Variants in PDE4D observed in about 807,000 individuals in gnomAD.
PDE4D encodes the protein phosphodiesterase 4D, also known as 3',5'-cyclic-AMP phosphodiesterase 4D.
PDE4D carries 24 observed loss-of-function variants against 87.4 expected under a neutral mutation model. The observed-to-expected ratio is 0.27, with a 90% CI of 0.20 to 0.39. PDE4D has a LOEUF of 0.39. Among genes scored for constraint, PDE4D ranks in the 10% least tolerant of loss-of-function variants. The pLI is 1.00. For synonymous variants in PDE4D, 384 were observed against 383.2 expected (o/e 1.00, Z -0.02); for missense variants, 714 against 1,041.0 (o/e 0.69, Z 4.32).
intron 2 of PDE4D, among the ~76,000 whole-genome samples, chr5:60,166,599 T>C (rs1782923048): frequency 6.6e-6 from 1 of 152,228 alleles, no homozygotes; most frequent in African/African-American, 2.4e-5. Flanking sequence ...TATTAGAGTA[T>C]TCTAAATTTG....
At chr5:59,828,495 G>A (rs1275044888) in intron 1 of PDE4D, among the ~76,000 whole-genome samples, 2 of 151,916 alleles carry the variant, frequency 1.3e-5, no homozygotes, top group Non-Finnish European at 2.9e-5. Flanking sequence ...TTATTTTCAG[G>A]AGGTATCTAT....
chr5:59,779,161 C>T (rs1299550522), intron 1 of PDE4D, among the ~76,000 whole-genome samples: 8 of 147,886 alleles, frequency 5.4e-5, no homozygotes, highest in South Asian at 2.1e-4. Flanking sequence ...GACTCTGTCT[C>T]GGAAAAAAAA....
intron 3 of PDE4D, among the ~76,000 whole-genome samples, chr5:59,921,876 A>G (rs1328230304): frequency 6.6e-6 from 1 of 152,206 alleles, no homozygotes; most frequent in Admixed American, 6.5e-5. Context: ...GGTACCATCT[A>G]AGAACCAAAA....
chr5:59,486,232 C>T (rs942236941), intron 1 of PDE4D, among the ~76,000 whole-genome samples: 1 of 152,080 alleles, frequency 6.6e-6, no homozygotes, highest in African/African-American at 2.4e-5. Context: ...AGAATGTCAT[C>T]TAGGAAACCA....
At chr5:59,177,818 C>T (rs1220424453) in intron 5 of PDE4D, among the ~76,000 whole-genome samples, 3 of 152,118 alleles carry the variant, frequency 2.0e-5, no homozygotes, top group East Asian at 1.9e-4. Flanking sequence ...CATACATTTG[C>T]GAACCTGTAC....
intron 1 of PDE4D, among the ~76,000 whole-genome samples, chr5:60,366,523 A>G (rs1760559176): frequency 6.6e-6 from 1 of 152,222 alleles, no homozygotes; most frequent in Admixed American, 6.5e-5. Context: ...CCAGATAACA[A>G]TGTGCATGAA....
chr5:59,606,139 A>C (rs756202617), intron 1 of PDE4D, among the ~76,000 whole-genome samples: 1 of 152,076 alleles, frequency 6.6e-6, no homozygotes, highest in Non-Finnish European at 1.5e-5. Context: ...TGTGCTAGGA[A>C]AACACCCTTT....
At chr5:60,079,142 A>G (rs1164816058) in intron 2 of PDE4D, among the ~76,000 whole-genome samples, 1 of 152,104 alleles carries the variant, frequency 6.6e-6, no homozygotes, top group East Asian at 1.9e-4. Context: ...GATCCATGAC[A>G]TTGAGCTTTT....
At chr5:60,200,059 C>T (rs1303097852) in intron 1 of PDE4D, among the ~76,000 whole-genome samples, 1 of 151,604 alleles carries the variant, frequency 6.6e-6, no homozygotes, top group East Asian at 1.9e-4. Context: ...GAACCAAAGT[C>T]CACTTCACTC....
chr5:60,238,496 C>T (rs1746684650), intron 1 of PDE4D, among the ~76,000 whole-genome samples: 1 of 151,950 alleles, frequency 6.6e-6, no homozygotes, highest in Admixed American at 6.6e-5. Flanking sequence ...ACTGACTTTT[C>T]CAATTGGTTT....
chr5:59,703,790 T>A (rs998259789), intron 1 of PDE4D: 2 of 304,378 alleles, frequency 6.6e-6, no homozygotes, highest in South Asian at 2.8e-5. Context: ...CATGAATGAC[T>A]TGAAGCAACA....
chr5:59,729,240 A>G (rs1250696888), intron 1 of PDE4D, among the ~76,000 whole-genome samples: 1 of 152,092 alleles, frequency 6.6e-6, no homozygotes, highest in Non-Finnish European at 1.5e-5. Flanking sequence ...ATTTAGCTTT[A>G]TAAAGTTAAA....
intron 1 of PDE4D, among the ~76,000 whole-genome samples, chr5:60,397,923 C>T (rs1444779720): frequency 6.6e-6 from 1 of 152,074 alleles, no homozygotes; most frequent in African/African-American, 2.4e-5. Context: ...AGAGTTTAGA[C>T]CTTGAAATTC....
chr5:59,704,794 G>T (rs1190125177), intron 1 of PDE4D, among the ~76,000 whole-genome samples: 1 of 152,102 alleles, frequency 6.6e-6, no homozygotes, highest in Non-Finnish European at 1.5e-5. Context: ...TCACATTTTT[G>T]ACTAAGAGAC....
chr5:59,175,244 A>T (rs958936389), intron 5 of PDE4D, among the ~76,000 whole-genome samples: 10 of 152,176 alleles, frequency 6.6e-5, no homozygotes, highest in Non-Finnish European at 1.5e-5. Context: ...GCCTTACTCT[A>T]AATGATAAAA....
chr5:59,626,340 A>T (rs77844232), intron 1 of PDE4D, among the ~76,000 whole-genome samples: 1 of 152,216 alleles, frequency 6.6e-6, no homozygotes, highest in South Asian at 2.1e-4. Flanking sequence ...TCAAAACATC[A>T]AGTTGTTCAC....
chr5:59,062,051 T>TAA (rs768549782), intron 5 of PDE4D, among the ~76,000 whole-genome samples: 7 of 152,056 alleles, frequency 4.6e-5, no homozygotes, highest in African/African-American at 7.2e-5. Context: ...TGCTTACTGT[T>TAA]AAGGAGCAAG....
intron 1 of PDE4D, among the ~76,000 whole-genome samples, chr5:59,838,863 T>C (rs1468624014): frequency 1.3e-5 from 2 of 152,056 alleles, no homozygotes; most frequent in African/African-American, 4.8e-5. Flanking sequence ...AACAGATGTC[T>C]ATTCTTTTTA....
intron 1 of PDE4D, chr5:59,276,266 TA>T: frequency 3.1e-6 from 1 of 318,694 alleles, no homozygotes; most frequent in African/African-American, 2.3e-5. Context: ...ACAAAACTTA[TA>T]AAACCATTTC....
Sources: allele counts gnomAD v4.1 joint callset (sites outside exome capture counted in the v4.1 genomes callset), GRCh38; gene constraint gnomAD v4.1.1; transcripts MANE v1.5; gene names NCBI Gene and HGNC (gene_info 2026-07-23, HGNC 2026-07-21).